Variants in MRPL49 observed in about 807,000 individuals in gnomAD.
MRPL49 encodes mitochondrial ribosomal protein L49.
In MRPL49, 14 loss-of-function variants were observed where a neutral mutation model predicts 18.4. That is an observed-to-expected ratio of 0.76 (90% confidence interval 0.50 to 1.19). The LOEUF is 1.19. Among genes scored for constraint, MRPL49 ranks in the 50% most tolerant of loss-of-function variants. MRPL49 has a pLI of 0.00. For synonymous variants in MRPL49, 104 were observed against 86.2 expected (o/e 1.21, Z -1.14); for missense variants, 190 against 217.8 (o/e 0.87, Z 0.80).
chr11:65,125,564 T>C lies in MRPL49; in HGVS notation c.306T>C (p.His102=), dbSNP rs1948092220. 6.3e-7 allele frequency: 1 copy of C among 1,597,668 alleles called. No homozygotes were observed. The change falls in exon 3 of 4, where the codon CAT becomes CAC. Residue 102 remains histidine, a synonymous_variant. Coordinates refer to ENST00000279242, the MANE Select transcript of MRPL49 (RefSeq NM_004927.4). Reference sequence around the variant, plus strand: ...TCCCCGTCTACAAGGACATCACGCATGGCAACCGGCAGATGACTGTGATCC... The same window carrying C: ...TCCCCGTCTACAAGGACATCACGCACGGCAACCGGCAGATGACTGTGATCC... ...HNIPVYKDIT[H]GNRQMTVIRK...
chr11:65,122,364 C>A lies in MRPL49; in HGVS notation c.18C>A (p.Phe6Leu). Residue 6 changes from phenylalanine to leucine, a missense_variant, in exon 1 of 4, where the codon TTC (phenylalanine) becomes TTA (leucine). Physicochemically the swap from Phe to Leu is conservative, Grantham distance 22 (BLOSUM62 0). Transcript: ENST00000279242. ...AGGTAAAGATGGCAGCTACCATGTT[C>A]CGGGCTACGCTGCGGGGATGGAGAA... Reference protein sequence around the residue: MAATMFRATLRGWRTG... With the variant: MAATMLRATLRGWRTG... 1 of 1,613,052 alleles carries A rather than the reference C, an allele frequency of 6.2e-7. No homozygotes were observed. Among genetic ancestry groups the A allele is most frequent in the South Asian group, 1.1e-5 (1 of 90,944 alleles).
Position 65,127,164 on chromosome 11 carries a change from T to G in MRPL49, c.*1292T>G. 1.7e-6 allele frequency: 1 copy of G among 605,650 alleles called. No homozygotes were observed. Among genetic ancestry groups the G allele is most frequent in the Non-Finnish European group, 3.0e-6 (1 of 338,700 alleles). 37.5% of individuals were successfully genotyped at this position (605,650 alleles called of 1,614,324 possible). ...TGGTCAGTGGTGTCCCCAAGGATAG[T>G]GCTGGCTTCCATGGAAACCCTCACT... On this transcript the variant is annotated 3_prime_UTR_variant, in exon 4 of 4. Coordinates refer to ENST00000279242, the MANE Select transcript of MRPL49 (RefSeq NM_004927.4).
chr11:65,124,779 G>A (rs1191942700), intron 2 of MRPL49, 127 bp downstream of exon 2: 2 of 1,048,444 alleles, frequency 1.9e-6, no homozygotes, highest in South Asian at 3.4e-5. Context: ...ATCCCTCTGG[G>A]TTACATCTGT....
chr11:65,124,910 C>T (rs1489849597), intron 2 of MRPL49: 1 of 399,198 alleles, frequency 2.5e-6, no homozygotes, highest in Non-Finnish European at 4.4e-6. Context: ...AGAGAAAACC[C>T]AAGAGCTTGG....
At chr11:65,125,327 A>G in intron 2 of MRPL49, 161 bp from the exon 3 acceptor site, 1 of 842,696 alleles carries the variant, frequency 1.2e-6, no homozygotes, top group South Asian at 1.8e-5. Flanking sequence ...TTTGGTCCTG[A>G]CTCCAAGCTG....
chr11:65,126,282 C>T lies in MRPL49; in HGVS notation c.*410C>T, dbSNP rs185215869. 3.4e-4 allele frequency: 53 copies of T among 157,320 alleles called. No homozygotes were observed. The highest frequency in any genetic ancestry group is 5.7e-4 in the South Asian group (3 of 5,250). 9.7% of individuals were successfully genotyped at this position (157,320 alleles called of 1,614,324 possible). On this transcript the variant is annotated 3_prime_UTR_variant, in exon 4 of 4. Transcript: ENST00000279242. ...CTTGAGTAGCTGGGATTACAGGCGC[C>T]CACCACCACAGCCTGCTAATTTTTG...
Position 65,125,914 on chromosome 11 carries a change from C to G in MRPL49, c.*42C>G. 1.9e-6 allele frequency: 3 copies of G among 1,579,534 alleles called. No homozygotes were observed. The highest frequency in any genetic ancestry group is 2.6e-6 in the Non-Finnish European group (3 of 1,159,934). On this transcript the variant is annotated 3_prime_UTR_variant, in exon 4 of 4. Coordinates refer to ENST00000279242, the MANE Select transcript of MRPL49 (RefSeq NM_004927.4). ...CTGCTTGTCAGCATGCCCTGTGGAT[C>G]AAGTCTAGGGGGCCTCAGGAGGAGG...
At chr11:65,122,713 CTTAA>C (rs1400318270) in intron 1 of MRPL49, among the ~76,000 whole-genome samples, 2 of 142,858 alleles carry the variant, frequency 1.4e-5, no homozygotes, top group Non-Finnish European at 3.0e-5. Context: ...TTATGATTGC[CTTAA>C]TTCTTTTTTT....
In MRPL49 at chr11:65,122,359, A is replaced by C. The variant is rs749373002; in HGVS notation, c.13A>C (p.Met5Leu). 1.2e-6 allele frequency: 2 copies of C among 1,612,888 alleles called. No homozygotes were observed. Among genetic ancestry groups the C allele is most frequent in the South Asian group, 1.1e-5 (1 of 90,948 alleles). ...GTAGCAGGTAAAGATGGCAGCTACC[A>C]TGTTCCGGGCTACGCTGCGGGGATG... MAAT[M>L]FRATLRGWRT... The change falls in exon 1 of 4, where the codon ATG (methionine) becomes CTG (leucine). Residue 5 changes from methionine to leucine, a missense_variant. Met to Leu is a conservative substitution (Grantham distance 15). Transcript: ENST00000279242.
At position 65,122,435 on chromosome 11, in the gene MRPL49, T is replaced by A. The variant is rs755082964; in HGVS notation, c.78+11T>A. The A allele has an allele frequency of 6.2e-7, 1 of 1,609,384 alleles. No homozygotes were observed. The highest frequency in any genetic ancestry group is 8.5e-7 in the Non-Finnish European group (1 of 1,178,130). On this transcript the variant is annotated intron_variant, in intron 1 of 3. Coordinates refer to ENST00000279242, the MANE Select transcript of MRPL49 (RefSeq NM_004927.4). ...GGGCTACGGCTGTTGGTGAGAGCGCTGAGCGAGGAGCTGAGGGCATCGCGT... is the reference window on the plus strand; with the variant it reads ...GGGCTACGGCTGTTGGTGAGAGCGCAGAGCGAGGAGCTGAGGGCATCGCGT...
chr11:65,122,304 A>G (rs1590821432), upstream of MRPL49: 1 of 1,600,714 alleles, frequency 6.2e-7, no homozygotes, highest in Non-Finnish European at 8.5e-7. Flanking sequence ...ACGGGGCGGG[A>G]CCAGACAGTT....
intron 1 of MRPL49, among the ~76,000 whole-genome samples, chr11:65,123,132 G>A (rs576081906): frequency 6.6e-6 from 1 of 152,302 alleles, no homozygotes; most frequent in East Asian, 1.9e-4. Flanking sequence ...ACAAGGCCAC[G>A]CTGCCAATAT....
chr11:65,122,521 G>T, intron 1 of MRPL49, 97 bp downstream of exon 1: 1 of 1,224,042 alleles, frequency 8.2e-7, no homozygotes, highest in Non-Finnish European at 1.1e-6. Flanking sequence ...CCTACTTGGG[G>T]CCTTAGTTTT....
chr11:65,123,061 T>C (rs1180816140), intron 1 of MRPL49, among the ~76,000 whole-genome samples: 2 of 152,168 alleles, frequency 1.3e-5, no homozygotes, highest in Non-Finnish European at 2.9e-5. Flanking sequence ...TAAACATCAC[T>C]ATATCCCGTC....
chr11:65,124,299 G>A (rs1005755142), intron 1 of MRPL49, among the ~76,000 whole-genome samples: 1 of 152,112 alleles, frequency 6.6e-6, no homozygotes, highest in East Asian at 1.9e-4. Flanking sequence ...CTCTCTCTTC[G>A]TGGCCCTCCC....
Position 65,126,093 on chromosome 11 carries a change from TAATGGGGGG to T in MRPL49, c.*222_*230del. On this transcript the variant is annotated 3_prime_UTR_variant, in exon 4 of 4. Coordinates refer to ENST00000279242, the MANE Select transcript of MRPL49 (RefSeq NM_004927.4). Reference sequence around the variant, plus strand: ...GGAGACCAAATAGGGATCACCAGGCTAATGGGGGGCGTCAGCAGCTTTCTCTCCCTCCTA... The same window carrying T: ...GGAGACCAAATAGGGATCACCAGGCTCGTCAGCAGCTTTCTCTCCCTCCTA... 2.1e-6 allele frequency: 1 copy of T among 482,246 alleles called. No individual in the cohort carries two copies. The highest frequency in any genetic ancestry group is 3.6e-6 in the Non-Finnish European group (1 of 276,308). The allele number at this position is 482,246 out of a possible 1,614,324, so 29.9% of individuals were successfully genotyped here.
chr11:65,124,936 A>G (rs572603241), intron 2 of MRPL49: 8 of 360,698 alleles, frequency 2.2e-5, no homozygotes, highest in African/African-American at 1.7e-4. Flanking sequence ...CTTTCCCCCC[A>G]GCAGACTATG....
rs764218031 is a variant in MRPL49 at position 65,125,471 on chromosome 11, G to A, written c.230-17G>A. On this transcript the variant is annotated splice_polypyrimidine_tract_variant and intron_variant, in intron 2 of 3. Coordinates refer to ENST00000279242, the MANE Select transcript of MRPL49 (RefSeq NM_004927.4). ...ACGTAGGAAGAGTTGATTTAACAGT[G>A]TCTTTCCCTGTTGCAGACCCCCCAC... The A allele has an allele frequency of 1.6e-5, 26 of 1,613,152 alleles. No homozygotes were observed. The highest frequency in any genetic ancestry group is 2.2e-5 in the East Asian group (1 of 44,878).
upstream of MRPL49, chr11:65,122,219 C>A: frequency 1.0e-6 from 1 of 990,740 alleles, no homozygotes; most frequent in Non-Finnish European, 1.5e-6. Flanking sequence ...GCTATTTGTA[C>A]CGCCCAAGGC....
Sources: gnomAD v4.1 joint callset for allele counts (sites outside exome capture counted in the v4.1 genomes callset) on GRCh38, gnomAD v4.1.1 for gene constraint, MANE v1.5 for transcripts, NCBI Gene and HGNC (gene_info 2026-07-23, HGNC 2026-07-21) for gene names.